The following PRKCE variants were observed in gnomAD, a reference collection of about 807,000 sequenced individuals.
PRKCE encodes the protein protein kinase C epsilon type.
A neutral mutation model predicts 85.4 loss-of-function variants in PRKCE; 16 were observed. That is an observed-to-expected ratio of 0.19 (90% CI 0.13 to 0.28). PRKCE has a LOEUF of 0.28. PRKCE is among the 10% of genes least tolerant of loss of function. PRKCE has a pLI of 1.00. For missense variants in PRKCE, 573 were observed against 975.2 expected (o/e 0.59, Z 5.49); for synonymous variants, 388 against 371.5 (o/e 1.04, Z -0.51).
intron 2 of PRKCE, among the ~76,000 whole-genome samples, chr2:45,890,288 C>T (rs1695624422): frequency 6.6e-6 from 1 of 152,138 alleles, no homozygotes; most frequent in African/African-American, 2.4e-5. Flanking sequence ...TACTTGTACC[C>T]ATTTCCTCTT....
intron 1 of PRKCE, among the ~76,000 whole-genome samples, chr2:45,677,340 T>G (rs569404459): frequency 0.027 from 3,888 of 145,324 alleles, 177 homozygotes; most frequent in African/African-American, 0.094. Context: ...TGTTTTTTTT[T>G]TTGTTGTTGT....
At chr2:45,874,422 A>G (rs1409366056) in intron 2 of PRKCE, among the ~76,000 whole-genome samples, 1 of 152,198 alleles carries the variant, frequency 6.6e-6, no homozygotes, top group African/African-American at 2.4e-5. Flanking sequence ...GAGGGAGGAA[A>G]GAGGCTGCTG....
chr2:45,852,334 T>G (rs1053912777), intron 2 of PRKCE, among the ~76,000 whole-genome samples: 2 of 152,236 alleles, frequency 1.3e-5, no homozygotes, highest in African/African-American at 2.4e-5. Context: ...TTAAACTGTT[T>G]AAAACAGTTA....
At chr2:45,674,165 A>G (rs867639557) in intron 1 of PRKCE, among the ~76,000 whole-genome samples, 12 of 152,348 alleles carry the variant, frequency 7.9e-5, no homozygotes, top group Admixed American at 3.9e-4. Flanking sequence ...GAAGGAGTCA[A>G]AGACTGATTT....
At chr2:45,700,500 C>G (rs914004158) in intron 1 of PRKCE, 1 of 151,916 alleles carries the variant, frequency 6.6e-6, no homozygotes, top group Admixed American at 6.6e-5. Flanking sequence ...TAGAAGCAGC[C>G]CGGCACTGTC....
intron 2 of PRKCE, among the ~76,000 whole-genome samples, chr2:45,957,181 G>A (rs1014880909): frequency 6.6e-6 from 1 of 152,176 alleles, no homozygotes; most frequent in Non-Finnish European, 1.5e-5. Context: ...TGCTTTTAAT[G>A]TCATAGCTAA....
At chr2:46,175,958 A>G (rs1679378577) in intron 14 of PRKCE, among the ~76,000 whole-genome samples, 1 of 152,170 alleles carries the variant, frequency 6.6e-6, no homozygotes, top group Non-Finnish European at 1.5e-5. Flanking sequence ...GCTGCCCACC[A>G]GAATCACTTA....
chr2:45,893,444 T>A (rs4953287), intron 2 of PRKCE, among the ~76,000 whole-genome samples: 1 of 150,912 alleles, frequency 6.6e-6, no homozygotes, highest in African/African-American at 2.4e-5. Context: ...CTCGGCTCAC[T>A]GCAACCTCTG....
chr2:46,112,781 A>G (rs906415133), intron 11 of PRKCE, among the ~76,000 whole-genome samples: 1 of 152,022 alleles, frequency 6.6e-6, no homozygotes, highest in Non-Finnish European at 1.5e-5. Context: ...TGGCCTCCCA[A>G]AGTGCTGGGG....
intron 10 of PRKCE, among the ~76,000 whole-genome samples, chr2:46,038,661 A>G (rs993789543): frequency 4.0e-4 from 52 of 130,590 alleles, no homozygotes; most frequent in Non-Finnish European, 7.8e-4. Flanking sequence ...TCACACACAC[A>G]CACACACACA....
chr2:46,065,508 T>G (rs1173712036), intron 10 of PRKCE, among the ~76,000 whole-genome samples: 5 of 152,184 alleles, frequency 3.3e-5, no homozygotes, highest in Non-Finnish European at 7.3e-5. Context: ...GGTAAAAAAT[T>G]TGTTGTTCTT....
intron 1 of PRKCE, among the ~76,000 whole-genome samples, chr2:45,841,894 A>G (rs1691382071): frequency 6.6e-6 from 1 of 152,168 alleles, no homozygotes; most frequent in African/African-American, 2.4e-5. Flanking sequence ...TTTGCTGGGG[A>G]CAGTGAAAAA....
At chr2:45,789,133 C>T (rs1217004988) in intron 1 of PRKCE, among the ~76,000 whole-genome samples, 1 of 152,026 alleles carries the variant, frequency 6.6e-6, no homozygotes, top group East Asian at 1.9e-4. Context: ...GGGAAGGTGG[C>T]TCATGCCTAT....
In PRKCE at chr2:45,723,132, G is replaced by A. The variant is rs560601879; in HGVS notation, c.348+70684G>A. Among the ~76,000 whole-genome samples the A allele has an allele frequency of 1.1e-4, 16 of 152,250 alleles. No homozygotes were observed. In the South Asian group the frequency reaches 1.2e-3, roughly 12 times the overall value. ...AAAAACAAAAAGATAAGTTAACAGT[G>A]TATTTGTTCTCTGTTTGCTAACTGT... is the stretch of plus-strand genomic sequence containing the variant. On this transcript the variant is annotated intron_variant, in intron 1 of 14. Coordinates refer to ENST00000306156, the MANE Select transcript of PRKCE (RefSeq NM_005400.3).
chr2:45,831,130 G>A (rs976764458), intron 1 of PRKCE, among the ~76,000 whole-genome samples: 1 of 152,130 alleles, frequency 6.6e-6, no homozygotes, highest in Admixed American at 6.5e-5. Context: ...TCTGAGAAAG[G>A]CAATTGGTAG....
chr2:45,912,880 G>T (rs1390983522), intron 2 of PRKCE, among the ~76,000 whole-genome samples: 1 of 152,066 alleles, frequency 6.6e-6, no homozygotes, highest in Non-Finnish European at 1.5e-5. Context: ...TCCAACCCAC[G>T]CCAGAGCCCA....
At chr2:45,876,496 T>G (rs543939626) in intron 2 of PRKCE, among the ~76,000 whole-genome samples, 1 of 152,374 alleles carries the variant, frequency 6.6e-6, no homozygotes, top group Admixed American at 6.5e-5. Context: ...TTGTCTCCTG[T>G]GCCTCCTCCA....
intron 14 of PRKCE, among the ~76,000 whole-genome samples, chr2:46,182,160 T>C (rs1163423622): frequency 6.6e-6 from 1 of 152,114 alleles, no homozygotes; most frequent in Non-Finnish European, 1.5e-5. Flanking sequence ...GCTTCCCTAA[T>C]TGTTGCCACA....
chr2:46,014,126 C>G (rs1319331984), intron 10 of PRKCE, among the ~76,000 whole-genome samples: 2 of 152,186 alleles, frequency 1.3e-5, no homozygotes, highest in Non-Finnish European at 2.9e-5. Flanking sequence ...AATAAAATGG[C>G]TCCAGCTTTC....
Sources: allele counts gnomAD v4.1 joint callset (sites outside exome capture counted in the v4.1 genomes callset), GRCh38; gene constraint gnomAD v4.1.1; transcripts MANE v1.5; gene names NCBI Gene and HGNC (gene_info 2026-07-23, HGNC 2026-07-21).